The following SPPL2A variants were observed in gnomAD, a reference collection of about 807,000 sequenced individuals.
The protein encoded by SPPL2A is signal peptide peptidase-like 2A.
Under a neutral mutation model 63.8 loss-of-function variants are expected in SPPL2A, and 51 were observed. That is an observed-to-expected ratio of 0.80 (90% CI 0.64 to 1.01). SPPL2A has a LOEUF of 1.01. SPPL2A is among the 50% of genes least tolerant of loss of function. The pLI, the probability that SPPL2A is intolerant of heterozygous loss-of-function variation, is 0.00. For missense variants in SPPL2A, 553 were observed against 622.7 expected (o/e 0.89, Z 1.19); for synonymous variants, 188 against 205.8 (o/e 0.91, Z 0.74).
intron 1 of SPPL2A, among the ~76,000 whole-genome samples, chr15:50,751,225 T>C (rs991583677): frequency 6.6e-6 from 1 of 152,250 alleles, no homozygotes; most frequent in Non-Finnish European, 1.5e-5. Flanking sequence ...TGGCTATGAA[T>C]GGATTCTGAT....
intron 1 of SPPL2A, among the ~76,000 whole-genome samples, chr15:50,759,242 T>A (rs900827075): frequency 1.6e-4 from 25 of 152,152 alleles, no homozygotes; most frequent in Admixed American, 3.3e-4. Flanking sequence ...ATAAATAAAG[T>A]TCACAAATTT....
chr15:50,759,957 A>G (rs1199289449), intron 1 of SPPL2A, among the ~76,000 whole-genome samples: 1 of 152,180 alleles, frequency 6.6e-6, no homozygotes, highest in Non-Finnish European at 1.5e-5. Flanking sequence ...GTGACTTAGA[A>G]AGGAGCCAAT....
chr15:50,739,167 G>A (rs1043958618), intron 6 of SPPL2A, among the ~76,000 whole-genome samples: 5 of 138,512 alleles, frequency 3.6e-5, no homozygotes, highest in Middle Eastern at 3.8e-3. Flanking sequence ...AAAACATAAC[G>A]TACTTTTTTT....
intron 5 of SPPL2A, among the ~76,000 whole-genome samples, chr15:50,740,927 G>A (rs1054382215): frequency 5.9e-5 from 9 of 152,014 alleles, no homozygotes; most frequent in African/African-American, 7.2e-5. Flanking sequence ...AAATGTAAAC[G>A]CTAAATTCTC....
intron 12 of SPPL2A, among the ~76,000 whole-genome samples, chr15:50,723,620 C>T (rs569835941): frequency 6.6e-5 from 10 of 152,160 alleles, no homozygotes; most frequent in Middle Eastern, 3.4e-3. Context: ...GGATTATGGG[C>T]GTGTGCTAAC....
intron 8 of SPPL2A, among the ~76,000 whole-genome samples, chr15:50,735,544 T>TACACACAC (rs59560616): frequency 6.7e-6 from 1 of 149,490 alleles, no homozygotes; most frequent in African/African-American, 2.5e-5. Flanking sequence ...CATATATACA[T>TACACACAC]ACACACACAC....
intron 12 of SPPL2A, among the ~76,000 whole-genome samples, chr15:50,724,563 G>C (rs2062671816): frequency 6.7e-6 from 1 of 148,554 alleles, no homozygotes; most frequent in South Asian, 2.1e-4. Context: ...GGGCAACAGA[G>C]CAAGACTCCA....
intron 10 of SPPL2A, among the ~76,000 whole-genome samples, chr15:50,728,293 T>C (rs2062701747): frequency 6.6e-6 from 1 of 152,216 alleles, no homozygotes; most frequent in Non-Finnish European, 1.5e-5. Flanking sequence ...AAACACACTT[T>C]TGAACCAAGT....
chr15:50,723,201 G>A lies in SPPL2A; in HGVS notation c.1250-1000C>T, dbSNP rs188325100. Among the ~76,000 whole-genome samples, 453 of 152,296 alleles carry A rather than the reference G, an allele frequency of 3.0e-3. 4 individuals are homozygous for A. Among genetic ancestry groups the A allele is most frequent in the African/African-American group, 0.011 (438 of 41,578 alleles). ...GTACCAAAAGGGAACCCTGTACATTGCTTATGGGAATGTAAATTAGTGTAG... is the reference window on the plus strand; with the variant it reads ...GTACCAAAAGGGAACCCTGTACATTACTTATGGGAATGTAAATTAGTGTAG... On this transcript the variant is annotated intron_variant, in intron 12 of 14. Transcript: ENST00000261854.
rs760732222 is a variant in SPPL2A, at chr15:50,747,658, G to A, written c.451-30C>T. The A allele has an allele frequency of 2.6e-5, 41 of 1,555,984 alleles. 1 individual carries two copies. In the South Asian group the frequency reaches 4.6e-4, roughly 17 times the overall value. ...AAGGCAAAATAACAGTTAAACACAG[G>A]AATAACTTTTCTTTCTACTATAGTC... is the stretch of plus-strand genomic sequence containing the variant. On this transcript the variant is annotated intron_variant, in intron 4 of 14. Transcript: ENST00000261854.
intron 12 of SPPL2A, among the ~76,000 whole-genome samples, chr15:50,722,651 T>G (rs1162280926): frequency 6.6e-6 from 1 of 152,168 alleles, no homozygotes; most frequent in African/African-American, 2.4e-5. Flanking sequence ...GAGATGGGGT[T>G]TCATCATGTT....
At chr15:50,742,714 T>C (rs1170056759) in intron 5 of SPPL2A, 1 of 152,144 alleles carries the variant, frequency 6.6e-6, no homozygotes, top group Non-Finnish European at 1.5e-5. Flanking sequence ...TTTATTTTGC[T>C]CTTAGAATCA....
rs929358035 is a variant in SPPL2A at position 50,739,898 on chromosome 15, A to C, written c.585-70T>G. ...GTTATTTAAAAAATTTATCTCTAAC[A>C]CCAATTTAAATCTGTTTCTGAAGAA... On this transcript the variant is annotated intron_variant, in intron 5 of 14. Coordinates refer to ENST00000261854, the MANE Select transcript of SPPL2A (RefSeq NM_032802.4). The C allele has an allele frequency of 3.2e-6, 3 of 923,106 alleles. No homozygotes were observed. The African/African-American group carries it at 5.2e-5, about 16-fold the overall frequency. The allele number at this position is 923,106 out of a possible 1,614,324, so 57.2% of individuals were successfully genotyped here. A position where few individuals can be genotyped will look rare whatever the true frequency, so the allele number is the denominator to read the frequency against.
Position 50,707,710 on chromosome 15 carries a change from T to A in SPPL2A, c.*90A>T. 1.4e-6 allele frequency: 1 copy of A among 712,168 alleles called. No homozygotes were observed. Among genetic ancestry groups the A allele is most frequent in the Non-Finnish European group, 2.5e-6 (1 of 395,408 alleles). The allele number at this position is 712,168 out of a possible 1,614,324, so 44.1% of individuals were successfully genotyped here. The stretch of plus-strand genomic sequence containing the variant: ...TTTTTGCAAGCATATCATTGAAGAC[T>A]CTTTCAGATTGTCAATTCAAAAGTC... On this transcript the variant is annotated 3_prime_UTR_variant, in exon 15 of 15. Transcript: ENST00000261854.
At chr15:50,746,392 C>T (rs1422302350) in intron 5 of SPPL2A, among the ~76,000 whole-genome samples, 12 of 139,416 alleles carry the variant, frequency 8.6e-5, no homozygotes, top group Admixed American at 2.4e-4. Flanking sequence ...GAGCCAAGAT[C>T]GCACCACTGT....
In SPPL2A at chr15:50,706,204, A is replaced by T. The variant is rs1044334484; in HGVS notation, c.*1596T>A. 2.0e-5 allele frequency: 3 copies of T among 151,612 alleles called. No individual in the cohort carries two copies. The highest frequency in any genetic ancestry group is 4.4e-5 in the Non-Finnish European group (3 of 67,930). The allele number at this position is 151,612 out of a possible 1,614,324, so 9.4% of individuals were successfully genotyped here. On this transcript the variant is annotated 3_prime_UTR_variant, in exon 15 of 15. Coordinates refer to ENST00000261854, the MANE Select transcript of SPPL2A (RefSeq NM_032802.4). ...CAGGAGATCGAGACCATCCCGGCTA[A>T]AACGGTGAAACCCCGTCTCTACTAA...
At chr15:50,729,732 C>A (rs544602061) in intron 10 of SPPL2A, among the ~76,000 whole-genome samples, 2 of 152,058 alleles carry the variant, frequency 1.3e-5, no homozygotes, top group Admixed American at 6.5e-5. Context: ...TTACCTATTA[C>A]AATTTTAGCT....
chr15:50,722,690 C>T (rs1396650205), intron 12 of SPPL2A, among the ~76,000 whole-genome samples: 2 of 152,124 alleles, frequency 1.3e-5, no homozygotes, highest in African/African-American at 2.4e-5. Flanking sequence ...CTCCTGACCT[C>T]GTGATCCACT....
At chr15:50,748,468 A>G (rs887430180) in intron 3 of SPPL2A, among the ~76,000 whole-genome samples, 3 of 151,786 alleles carry the variant, frequency 2.0e-5, no homozygotes, top group Admixed American at 2.0e-4. Flanking sequence ...GCATATATAT[A>G]TATTTGTTCC....
Sources: gnomAD v4.1 joint callset for allele counts (sites outside exome capture counted in the v4.1 genomes callset) on GRCh38, gnomAD v4.1.1 for gene constraint, MANE v1.5 for transcripts, NCBI Gene and HGNC (gene_info 2026-07-23, HGNC 2026-07-21) for gene names.